RIMS2: variants seen among roughly 807,000 people sequenced by gnomAD.
The protein encoded by RIMS2 is regulating synaptic membrane exocytosis protein 2.
A neutral mutation model predicts 174.4 loss-of-function variants in RIMS2; 59 were observed. The ratio of observed to expected loss-of-function variants is 0.34; its 90% CI spans 0.27 to 0.42. The LOEUF is 0.42. Ranked by LOEUF, RIMS2 falls within the 10% of genes least tolerant of loss-of-function variation. The probability of loss-of-function intolerance (pLI) is 1.00; values close to 1 mark genes in which losing one functional copy is unlikely to be tolerated. For missense variants in RIMS2, 1,620 were observed against 1,666.3 expected, an observed-to-expected ratio of 0.97 and a Z score of 0.48; for synonymous variants, 606 against 572.5, an observed-to-expected ratio of 1.06 and a Z score of -0.84.
chr8:104,184,426 A>G (rs2098957384), intron 19 of RIMS2, among the ~76,000 whole-genome samples: 1 of 151,582 alleles, frequency 6.6e-6, no homozygotes, highest in Admixed American at 6.6e-5. Context: ...TTACCCAGCT[A>G]GATTAAAAAC....
intron 2 of RIMS2, among the ~76,000 whole-genome samples, chr8:103,750,509 A>G (rs1207020964): frequency 6.6e-6 from 1 of 152,114 alleles, no homozygotes; most frequent in Non-Finnish European, 1.5e-5. Context: ...TGGAGACCCC[A>G]TTCATTATTA....
In RIMS2 at chr8:103,697,313, T is replaced by G; in HGVS notation, c.387+17T>G. ...TCAAACAAGGTACAGAAATGAAAAT[T>G]ACAGTTCTCTTCTAGTTAAGCTTAT... On this transcript the variant is annotated intron_variant, in intron 2 of 23. Transcript: ENST00000504942. 1 of 1,554,336 alleles carries G rather than the reference T, an allele frequency of 6.4e-7. No homozygotes were observed. Among genetic ancestry groups the G allele is most frequent in the South Asian group, 1.1e-5 (1 of 89,816 alleles).
intron 1 of RIMS2, among the ~76,000 whole-genome samples, chr8:103,523,578 C>T (rs1832706479): frequency 6.6e-6 from 1 of 152,038 alleles, no homozygotes; most frequent in South Asian, 2.1e-4. Context: ...TCTAATTATA[C>T]TGACAATGTA....
At chr8:104,031,690 G>A (rs2096396273) in intron 19 of RIMS2, among the ~76,000 whole-genome samples, 1 of 152,004 alleles carries the variant, frequency 6.6e-6, no homozygotes, top group Non-Finnish European at 1.5e-5. Flanking sequence ...AAGTTACATG[G>A]GAAGACCAGC....
At chr8:103,578,388 A>G (rs1214985847) in intron 1 of RIMS2, among the ~76,000 whole-genome samples, 2 of 152,046 alleles carry the variant, frequency 1.3e-5, no homozygotes, top group Non-Finnish European at 2.9e-5. Context: ...AAATTAGCTG[A>G]GAGGAAATGA....
intron 19 of RIMS2, among the ~76,000 whole-genome samples, chr8:104,105,103 T>A (rs1443376392): frequency 6.6e-6 from 1 of 152,044 alleles, no homozygotes; most frequent in African/African-American, 2.4e-5. Flanking sequence ...TGTGGTAAAA[T>A]TGAGAATTGA....
chr8:103,606,628 G>T (rs1030658101), intron 1 of RIMS2, among the ~76,000 whole-genome samples: 6 of 152,078 alleles, frequency 3.9e-5, no homozygotes, highest in African/African-American at 1.4e-4. Context: ...ATTAATGTGT[G>T]GGAGTCTAAG....
chr8:103,565,978 A>C (rs1156745222), intron 1 of RIMS2, among the ~76,000 whole-genome samples: 1 of 152,194 alleles, frequency 6.6e-6, no homozygotes. Context: ...ATGTTTTTCA[A>C]ATTAAGAGGC....
At chr8:104,002,864 TA>T (rs1278656582) in intron 17 of RIMS2, among the ~76,000 whole-genome samples, 1 of 152,134 alleles carries the variant, frequency 6.6e-6, no homozygotes, top group East Asian at 1.9e-4. Context: ...TTTTTTATAT[TA>T]CTTCAAGAGA....
chr8:104,215,119 A>G (rs1326610720), intron 19 of RIMS2, among the ~76,000 whole-genome samples: 1 of 152,254 alleles, frequency 6.6e-6, no homozygotes, highest in Non-Finnish European at 1.5e-5. Flanking sequence ...TGAAAAGTCA[A>G]CTAGACAGTT....
chr8:103,623,647 GC>G, intron 1 of RIMS2, among the ~76,000 whole-genome samples: 1 of 145,984 alleles, frequency 6.9e-6, no homozygotes, highest in Non-Finnish European at 1.5e-5. Flanking sequence ...ACCACGCCCG[GC>G]TAATTTTTTT....
intron 1 of RIMS2, among the ~76,000 whole-genome samples, chr8:103,542,377 T>C (rs1158957169): frequency 6.6e-6 from 1 of 152,178 alleles, no homozygotes; most frequent in Non-Finnish European, 1.5e-5. Context: ...GCCCAGAACC[T>C]GATGGTTTCA....
At position 104,248,787 on chromosome 8, in the gene RIMS2, G is replaced by T. The variant is rs1252961103; in HGVS notation, c.3563G>T (p.Arg1188Leu). 8 of 1,605,700 alleles carry T rather than the reference G, an allele frequency of 5.0e-6. No individual in the cohort carries two copies. The East Asian group carries it at 8.9e-5, about 18-fold the overall frequency. ...CTTGGCCCTGCTCAGCTAGTGGGAC[G>T]CCAGACTCTGGCAACACCTGCAATG... Residue 1188 changes from arginine (R) to leucine (L), a missense_variant, in exon 21 of 24, where the codon CGC becomes CTC. Physicochemically the swap from Arg to Leu is moderately radical, Grantham distance 102. Coordinates refer to ENST00000504942, the Ensembl canonical transcript of RIMS2.
At chr8:104,135,231 T>C (rs900389551) in intron 19 of RIMS2, among the ~76,000 whole-genome samples, 3 of 152,014 alleles carry the variant, frequency 2.0e-5, no homozygotes, top group Admixed American at 6.6e-5. Flanking sequence ...GGAGAACATA[T>C]ATGCTGTAAT....
intron 1 of RIMS2, among the ~76,000 whole-genome samples, chr8:103,651,507 T>C (rs2096452297): frequency 6.6e-6 from 1 of 152,248 alleles, no homozygotes; most frequent in Non-Finnish European, 1.5e-5. Context: ...TAGTTTTTTC[T>C]ATATGCTATT....
chr8:103,709,437 G>A (rs1326950915), intron 2 of RIMS2, among the ~76,000 whole-genome samples: 1 of 143,392 alleles, frequency 7.0e-6, no homozygotes, highest in African/African-American at 2.5e-5. Context: ...CTATTTTTGT[G>A]TTTCTGTAAC....
chr8:103,681,911 T>C (rs2096884928), intron 1 of RIMS2, among the ~76,000 whole-genome samples: 2 of 152,046 alleles, frequency 1.3e-5, no homozygotes, highest in Admixed American at 1.3e-4. Context: ...ATTGGCAGCA[T>C]ATAATGGAGA....
At chr8:104,152,656 T>C (rs1036570204) in intron 19 of RIMS2, among the ~76,000 whole-genome samples, 1 of 152,094 alleles carries the variant, frequency 6.6e-6, no homozygotes, top group Non-Finnish European at 1.5e-5. Flanking sequence ...TTATCTACAA[T>C]AATGAACTAG....
At chr8:104,109,503 G>C (rs1231610807) in intron 19 of RIMS2, among the ~76,000 whole-genome samples, 1 of 150,428 alleles carries the variant, frequency 6.6e-6, no homozygotes, top group African/African-American at 2.5e-5. Flanking sequence ...AATTTTTTTA[G>C]AGGGTTGTCA....
Sources: allele counts gnomAD v4.1 joint callset (sites outside exome capture counted in the v4.1 genomes callset), GRCh38; gene constraint gnomAD v4.1.1; transcripts MANE v1.5; gene names NCBI Gene and HGNC (gene_info 2026-07-23, HGNC 2026-07-21).